The following C1QTNF3 variants were observed in gnomAD, a reference collection of about 807,000 sequenced individuals.
The protein encoded by C1QTNF3 is C1q and TNF related 3, also known as complement C1q tumor necrosis factor-related protein 3.
C1QTNF3 carries 26 observed loss-of-function variants against 32.6 expected under a neutral mutation model. That is an observed-to-expected ratio of 0.80 (90% CI 0.58 to 1.11). The LOEUF is 1.11. Ranked by LOEUF, C1QTNF3 falls within the 50% of genes least tolerant of loss-of-function variation. The pLI is 0.00. For synonymous variants in C1QTNF3, 155 were observed against 146.0 expected, an observed-to-expected ratio of 1.06 and a Z score of -0.44; for missense variants, 362 against 398.2, an observed-to-expected ratio of 0.91 and a Z score of 0.77.
chr5:34,177,679 G>A, the C1QTNF3 span, among the ~76,000 whole-genome samples: 1 of 151,292 alleles, frequency 6.6e-6, no homozygotes, highest in African/African-American at 2.4e-5. Flanking sequence ...AGTAGAGACG[G>A]GGTTTCACCA....
chr5:34,175,552 A>T, the C1QTNF3 span: 1 of 334,662 alleles, frequency 3.0e-6, no homozygotes, highest in Non-Finnish European at 5.6e-6. Context: ...GAAATAGACA[A>T]GAAAAAGGCA....
chr5:34,029,800 G>A (rs1426384040), intron 3 of C1QTNF3, among the ~76,000 whole-genome samples: 1 of 152,036 alleles, frequency 6.6e-6, no homozygotes, highest in African/African-American at 2.4e-5. Context: ...AAAGCTATAG[G>A]ATTGTATTTA....
the C1QTNF3 span, among the ~76,000 whole-genome samples, chr5:34,118,620 G>A: frequency 6.6e-6 from 1 of 151,452 alleles, no homozygotes; most frequent in African/African-American, 2.4e-5. Flanking sequence ...ATTGCCTTCT[G>A]ACATGTATTT....
chr5:34,035,533 C>G, intron 2 of C1QTNF3, 114 bp downstream of exon 2: 1 of 787,908 alleles, frequency 1.3e-6, no homozygotes, highest in South Asian at 1.6e-5. Flanking sequence ...TGCCAAGAGT[C>G]TAGCGGATCC....
At chr5:34,144,395 A>C in the C1QTNF3 span, among the ~76,000 whole-genome samples, 9 of 152,338 alleles carry the variant, frequency 5.9e-5, no homozygotes, top group Non-Finnish European at 1.2e-4. Context: ...CTTAACTTTG[A>C]CACTTGACTT....
chr5:34,181,931 C>T, the C1QTNF3 span, among the ~76,000 whole-genome samples: 3 of 152,312 alleles, frequency 2.0e-5, no homozygotes, highest in African/African-American at 7.2e-5. Flanking sequence ...GCCTGGAATC[C>T]CTACACTTTG....
At chr5:34,131,526 C>T in the C1QTNF3 span, among the ~76,000 whole-genome samples, 90 of 151,766 alleles carry the variant, frequency 5.9e-4, no homozygotes, top group African/African-American at 2.1e-3. Context: ...AAGCTAAGAA[C>T]AGAAAGTTAA....
the C1QTNF3 span, among the ~76,000 whole-genome samples, chr5:34,100,608 A>G: frequency 1.3e-5 from 2 of 148,704 alleles, no homozygotes; most frequent in Non-Finnish European, 3.0e-5. Context: ...TTTATGTTAA[A>G]GTAATTATTC....
the C1QTNF3 span, among the ~76,000 whole-genome samples, chr5:34,066,755 C>T: frequency 2.0e-5 from 3 of 152,124 alleles, no homozygotes; most frequent in Non-Finnish European, 4.4e-5. Flanking sequence ...TCTGGCATGC[C>T]CTGGAGACAT....
the C1QTNF3 span, among the ~76,000 whole-genome samples, chr5:34,231,571 G>A: frequency 6.6e-6 from 1 of 152,174 alleles, no homozygotes; most frequent in East Asian, 1.9e-4. Flanking sequence ...TCTGTGTATG[G>A]TCTGTGTATG....
chr5:34,064,744 G>A, the C1QTNF3 span, among the ~76,000 whole-genome samples: 8 of 152,270 alleles, frequency 5.3e-5, no homozygotes, highest in African/African-American at 1.9e-4. Flanking sequence ...AGAAGAGTGC[G>A]CAGTTGCAAG....
the C1QTNF3 span, among the ~76,000 whole-genome samples, chr5:34,243,264 C>T: frequency 2.6e-5 from 4 of 152,302 alleles, no homozygotes; most frequent in South Asian, 2.1e-4. Context: ...CAGTAAGATG[C>T]CATCTCACAT....
At chr5:34,082,341 CT>C in the C1QTNF3 span, among the ~76,000 whole-genome samples, 2 of 151,312 alleles carry the variant, frequency 1.3e-5, no homozygotes, top group African/African-American at 4.9e-5. Context: ...TTGTGTGTCC[CT>C]GAAAATATAT....
At chr5:34,051,342 A>T in the C1QTNF3 span, among the ~76,000 whole-genome samples, 2 of 152,144 alleles carry the variant, frequency 1.3e-5, no homozygotes, top group Non-Finnish European at 2.9e-5. Context: ...CATTGTCTTT[A>T]TTGTGTTATT....
At chr5:34,176,661 C>A in the C1QTNF3 span, among the ~76,000 whole-genome samples, 1 of 151,936 alleles carries the variant, frequency 6.6e-6, no homozygotes, top group Non-Finnish European at 1.5e-5. Flanking sequence ...GGTGGGAGGA[C>A]TGCTTGAGCC....
At chr5:34,041,045 A>G (rs747337143) in intron 1 of C1QTNF3, among the ~76,000 whole-genome samples, 2 of 152,206 alleles carry the variant, frequency 1.3e-5, no homozygotes, top group Non-Finnish European at 2.9e-5. Flanking sequence ...ATCTTTATAT[A>G]TCCCTGGCCC....
In C1QTNF3 at chr5:34,020,610, T is replaced by C. The variant is rs763759645; in HGVS notation, c.933A>G (p.Ala311=). The change falls in exon 6 of 6, where the codon GCA becomes GCG. Residue 311 remains alanine (A), a synonymous_variant. Coordinates refer to ENST00000382065, the MANE Select transcript of C1QTNF3 (RefSeq NM_181435.6). ...ACTTAGTTTCAAAGAGCAGGAATCC[T>C]GCAAAGGTGGAGAAGCGTTGGTGGT... is the stretch of plus-strand genomic sequence containing the variant. The part of the protein sequence containing the change: ...HGDHQRFSTF[A]GFLLFETK 3 of 1,614,244 alleles carry C rather than the reference T, an allele frequency of 1.9e-6. No homozygotes were observed. The highest frequency in any genetic ancestry group is 2.5e-6 in the Non-Finnish European group (3 of 1,180,022).
chr5:34,069,535 C>T, the C1QTNF3 span, among the ~76,000 whole-genome samples: 5 of 152,062 alleles, frequency 3.3e-5, no homozygotes, highest in African/African-American at 1.2e-4. Flanking sequence ...AAAATCTGTC[C>T]ACTGACCTCA....
At chr5:34,045,169 T>C (rs1263481771), upstream of C1QTNF3, among the ~76,000 whole-genome samples, 1 of 152,218 alleles carries the variant, frequency 6.6e-6, no homozygotes, top group Admixed American at 6.5e-5. Context: ...GCTCTCACCA[T>C]CATGCATCCC....
Sources: allele counts gnomAD v4.1 joint callset (sites outside exome capture counted in the v4.1 genomes callset), GRCh38; gene constraint gnomAD v4.1.1; transcripts MANE v1.5; gene names NCBI Gene and HGNC (gene_info 2026-07-23, HGNC 2026-07-21).